Variants in LSAMP observed in about 807,000 individuals in gnomAD.
LSAMP encodes limbic system-associated membrane protein.
A neutral mutation model predicts 38.6 loss-of-function variants in LSAMP; 7 were observed. The ratio of observed to expected loss-of-function variants is 0.18; its 90% confidence interval spans 0.10 to 0.34. The LOEUF (loss-of-function observed/expected upper bound fraction) is 0.34. LSAMP is among the 10% of genes least tolerant of loss of function. The probability of loss-of-function intolerance (pLI) is 1.00; values close to 1 mark genes in which losing one functional copy is unlikely to be tolerated. For synonymous variants in LSAMP, 154 were observed against 166.8 expected (o/e 0.92, Z 0.59); for missense variants, 313 against 420.0 (o/e 0.75, Z 2.23).
chr3:116,134,462 G>C (rs1301226048), intron 1 of LSAMP, among the ~76,000 whole-genome samples: 1 of 151,298 alleles, frequency 6.6e-6, no homozygotes, highest in Non-Finnish European at 1.5e-5. Context: ...AATCCAAACT[G>C]TCATAATTTT....
intron 3 of LSAMP, among the ~76,000 whole-genome samples, chr3:116,010,895 A>G (rs1940304413): frequency 6.6e-6 from 1 of 152,196 alleles, no homozygotes; most frequent in African/African-American, 2.4e-5. Flanking sequence ...CTTCCCACTA[A>G]TATTTCTATT....
chr3:116,185,735 G>T (rs1359231147), intron 1 of LSAMP, among the ~76,000 whole-genome samples: 1 of 151,984 alleles, frequency 6.6e-6, no homozygotes, highest in Non-Finnish European at 1.5e-5. Context: ...TTCTTCAACA[G>T]TAAATTAATG....
intron 2 of LSAMP, among the ~76,000 whole-genome samples, chr3:116,074,059 C>G (rs12106856): frequency 0.082 from 12,482 of 152,222 alleles, 1,666 homozygotes; most frequent in African/African-American, 0.28. Flanking sequence ...ACAACCACTT[C>G]CATATAAGCT....
chr3:116,263,770 T>C (rs72947967), intron 1 of LSAMP, among the ~76,000 whole-genome samples: 6,003 of 152,216 alleles, frequency 0.039, 404 homozygotes, highest in African/African-American at 0.13. Context: ...TATCCACTAA[T>C]ATCACTTGTA....
chr3:116,182,299 T>C (rs1387678713), intron 1 of LSAMP, among the ~76,000 whole-genome samples: 1 of 151,666 alleles, frequency 6.6e-6, no homozygotes, highest in Non-Finnish European at 1.5e-5. Context: ...GTAAAATAGA[T>C]ACCATATTTT....
chr3:116,238,910 G>C (rs2046497524), intron 1 of LSAMP, among the ~76,000 whole-genome samples: 1 of 151,666 alleles, frequency 6.6e-6, no homozygotes, highest in South Asian at 2.1e-4. Flanking sequence ...AGACTGCATT[G>C]TGTGCTTTTA....
At chr3:116,204,356 G>A (rs1323305891) in intron 1 of LSAMP, among the ~76,000 whole-genome samples, 1 of 152,058 alleles carries the variant, frequency 6.6e-6, no homozygotes, top group African/African-American at 2.4e-5. Context: ...TAGGTTGCCT[G>A]TTCACTCTGA....
At chr3:115,922,735 G>C (rs1156408879) in intron 3 of LSAMP, among the ~76,000 whole-genome samples, 1 of 152,094 alleles carries the variant, frequency 6.6e-6, no homozygotes, top group East Asian at 1.9e-4. Flanking sequence ...TGGGGGTTAA[G>C]GGTGCCTCTG....
chr3:116,271,101 T>TAAAG (rs897456174), intron 1 of LSAMP, among the ~76,000 whole-genome samples: 7 of 152,234 alleles, frequency 4.6e-5, no homozygotes, highest in Non-Finnish European at 1.5e-5. Context: ...GGTTCCACTC[T>TAAAG]AAAGAGTTGA....
intron 1 of LSAMP, among the ~76,000 whole-genome samples, chr3:116,178,349 G>T (rs1349172082): frequency 2.6e-5 from 4 of 152,010 alleles, no homozygotes; most frequent in Non-Finnish European, 4.4e-5. Context: ...TATATTTTTA[G>T]TAGAGATGGG....
At chr3:115,983,663 A>C (rs1939428007) in intron 3 of LSAMP, among the ~76,000 whole-genome samples, 1 of 152,212 alleles carries the variant, frequency 6.6e-6, no homozygotes, top group Non-Finnish European at 1.5e-5. Flanking sequence ...CCTAAAAGGA[A>C]GATTTTCCAA....
chr3:115,986,903 A>T (rs1939525555), intron 3 of LSAMP, among the ~76,000 whole-genome samples: 1 of 152,112 alleles, frequency 6.6e-6, no homozygotes, highest in Non-Finnish European at 1.5e-5. Flanking sequence ...TATATTAGGC[A>T]TATATGTGAT....
At chr3:116,169,766 A>T (rs1411586956) in intron 1 of LSAMP, among the ~76,000 whole-genome samples, 1 of 152,222 alleles carries the variant, frequency 6.6e-6, no homozygotes, top group Non-Finnish European at 1.5e-5. Context: ...TGAATTTTTC[A>T]GCTGGGAGTA....
rs113654765 is a variant in LSAMP, at chr3:116,049,960, C to A, written c.389-30320G>T. On this transcript the variant is annotated intron_variant, in intron 2 of 6. Transcript: ENST00000490035. ...GGTTACACAAATCCTGGGAATTATT[C>A]TTTTGCTGGATACCCTCCATTTACA... 9.0e-3 allele frequency among the ~76,000 whole-genome samples: 1,372 copies of A among 152,244 alleles called. 26 individuals are homozygous for A. The highest frequency in any genetic ancestry group is 0.03 in the African/African-American group (1,237 of 41,548).
At chr3:116,140,308 C>T (rs1267895113) in intron 1 of LSAMP, among the ~76,000 whole-genome samples, 1 of 151,780 alleles carries the variant, frequency 6.6e-6, no homozygotes, top group Admixed American at 6.6e-5. Context: ...AATTAATCTT[C>T]GATTCTAGAG....
chr3:115,845,321 T>C (rs931340524), intron 4 of LSAMP, among the ~76,000 whole-genome samples: 1 of 152,236 alleles, frequency 6.6e-6, no homozygotes, highest in Non-Finnish European at 1.5e-5. Context: ...ATTTTGCTTA[T>C]GAATTTTGTT....
rs529145749 is a variant in LSAMP at position 116,241,034 on chromosome 3, G to A, written c.156-154478C>T. ...CTACTAAAAATACAAACAATTAGCCGGGCATGGTGGCGCATGCCTGTAGTC... is the reference window on the plus strand; with the variant it reads ...CTACTAAAAATACAAACAATTAGCCAGGCATGGTGGCGCATGCCTGTAGTC... On this transcript the variant is annotated intron_variant, in intron 1 of 6. Transcript: ENST00000490035. Among the ~76,000 whole-genome samples, 12 of 152,026 alleles carry A rather than the reference G, an allele frequency of 7.9e-5. No individual in the cohort carries two copies. The South Asian group carries it at 1.9e-3, about 24-fold the overall frequency.
chr3:115,900,408 TG>T (rs1383942385), intron 3 of LSAMP, among the ~76,000 whole-genome samples: 1 of 145,720 alleles, frequency 6.9e-6, no homozygotes, highest in Non-Finnish European at 1.5e-5. Flanking sequence ...CCTAGCTACT[TG>T]GGGGGCTGAG....
intron 1 of LSAMP, among the ~76,000 whole-genome samples, chr3:116,437,005 A>ATG (rs1352122378): frequency 6.7e-6 from 1 of 149,114 alleles, no homozygotes; most frequent in Non-Finnish European, 1.5e-5. Context: ...ATATATATAT[A>ATG]TGTGTATATA....
Sources: allele counts gnomAD v4.1 joint callset (sites outside exome capture counted in the v4.1 genomes callset), GRCh38; gene constraint gnomAD v4.1.1; transcripts MANE v1.5; gene names NCBI Gene and HGNC (gene_info 2026-07-23, HGNC 2026-07-21).